The following CPNE8 variants were observed in gnomAD, a reference collection of about 807,000 sequenced individuals.
CPNE8 encodes the protein copine-8.
In CPNE8, 45 loss-of-function variants were observed where a neutral mutation model predicts 81.5. The ratio of observed to expected loss-of-function variants is 0.55; its 90% confidence interval spans 0.44 to 0.71. The LOEUF is 0.71. Among genes scored for constraint, CPNE8 ranks in the 30% least tolerant of loss-of-function variants. CPNE8 has a pLI of 0.00. For synonymous variants in CPNE8, 252 were observed against 226.3 expected (o/e 1.11, Z -1.02); for missense variants, 594 against 672.1 (o/e 0.88, Z 1.28).
intron 16 of CPNE8, among the ~76,000 whole-genome samples, chr12:38,683,502 T>C (rs1347423046): frequency 1.3e-5 from 2 of 152,122 alleles, no homozygotes; most frequent in Admixed American, 6.5e-5. Flanking sequence ...ACTATAACTA[T>C]GGCGCTTCTC....
intron 5 of CPNE8, among the ~76,000 whole-genome samples, chr12:38,830,029 C>T (rs1943258213): frequency 6.6e-6 from 1 of 152,100 alleles, no homozygotes; most frequent in Non-Finnish European, 1.5e-5. Flanking sequence ...TCTGAGGGTT[C>T]AATTAGTTAT....
chr12:38,863,867 C>A (rs867660622), intron 3 of CPNE8, among the ~76,000 whole-genome samples: 33 of 151,838 alleles, frequency 2.2e-4, no homozygotes, highest in South Asian at 1.0e-3. Flanking sequence ...CTGGCTAACA[C>A]GGTGAAACCC....
Position 38,905,414 on chromosome 12 carries a change from G to C in CPNE8, c.98+23C>G, listed in dbSNP as rs1411870877. The C allele has an allele frequency of 4.5e-6, 7 of 1,550,232 alleles. No homozygotes were observed. The East Asian group carries it at 9.7e-5, about 21-fold the overall frequency. On this transcript the variant is annotated intron_variant, in intron 1 of 19. Coordinates refer to ENST00000331366, the MANE Select transcript of CPNE8 (RefSeq NM_153634.3). ...ACCCCACAGATGAGAGGGCAGGAGA[G>C]AGGGGAAGGGCTGCGTCCTCACCTG... is the stretch of plus-strand genomic sequence containing the variant.
intron 6 of CPNE8, among the ~76,000 whole-genome samples, chr12:38,797,222 C>T (rs1457482996): frequency 6.6e-6 from 1 of 152,194 alleles, no homozygotes; most frequent in Admixed American, 6.5e-5. Context: ...AGCTGGAGAT[C>T]TGAGAACGGG....
intron 3 of CPNE8, among the ~76,000 whole-genome samples, chr12:38,853,468 G>A (rs548697912): frequency 4.0e-5 from 6 of 151,374 alleles, no homozygotes; most frequent in African/African-American, 7.3e-5. Flanking sequence ...ACAAATATGC[G>A]GAAGCCAAGC....
At position 38,894,696 on chromosome 12, in the gene CPNE8, TC is replaced by T. The variant is rs1565666665; in HGVS notation, c.98+10740del. On this transcript the variant is annotated intron_variant, in intron 1 of 19. Transcript: ENST00000331366. ...CTCTCTCTCTCTCTCTCTCTCTCTC[TC>T]TCTCTCTCTCTCTCATATTCTTTAC... Among the ~76,000 whole-genome samples, 33 of 101,662 alleles carry T rather than the reference TC, an allele frequency of 3.2e-4. 1 individual carries two copies. Among genetic ancestry groups the T allele is most frequent in the African/African-American group, 1.0e-3 (33 of 31,704 alleles). The allele number at this position is 101,662 out of a possible 152,430, so 66.7% of individuals were successfully genotyped here.
intron 10 of CPNE8, among the ~76,000 whole-genome samples, chr12:38,756,828 G>A (rs926409346): frequency 2.0e-5 from 3 of 152,154 alleles, no homozygotes; most frequent in African/African-American, 7.2e-5. Context: ...CTAGCCACAT[G>A]CTGCTGTAAC....
chr12:38,810,894 C>T (rs540529610), intron 6 of CPNE8, among the ~76,000 whole-genome samples: 1 of 152,196 alleles, frequency 6.6e-6, no homozygotes, highest in Admixed American at 6.5e-5. Flanking sequence ...AAAGGAAGAT[C>T]AAATCCTTCT....
chr12:38,820,030 A>T (rs1296536195), intron 6 of CPNE8, among the ~76,000 whole-genome samples: 2 of 152,182 alleles, frequency 1.3e-5, no homozygotes, highest in Non-Finnish European at 1.5e-5. Flanking sequence ...ATTTCACTGT[A>T]GAGGAAACTG....
intron 19 of CPNE8, among the ~76,000 whole-genome samples, chr12:38,654,656 G>A (rs1232574240): frequency 1.3e-5 from 2 of 151,828 alleles, no homozygotes; most frequent in Non-Finnish European, 2.9e-5. Flanking sequence ...AATCCTAATA[G>A]GCTTATTATG....
chr12:38,896,480 T>C (rs572446087), intron 1 of CPNE8, among the ~76,000 whole-genome samples: 196 of 152,244 alleles, frequency 1.3e-3, no homozygotes, highest in African/African-American at 4.5e-3. Context: ...ACTACTTGCC[T>C]TACCTCAGCC....
intron 3 of CPNE8, among the ~76,000 whole-genome samples, chr12:38,855,829 C>T (rs375904077): frequency 2.0e-5 from 3 of 151,870 alleles, no homozygotes; most frequent in Non-Finnish European, 2.9e-5. Flanking sequence ...CATTGTATCC[C>T]ATAAATATAT....
upstream of CPNE8, chr12:38,906,832 G>C (rs1294987943): frequency 6.5e-6 from 1 of 153,314 alleles, no homozygotes; most frequent in African/African-American, 2.4e-5. Flanking sequence ...GGAAGGCAGA[G>C]GGTGGAGAGG....
At chr12:38,753,116 G>A (rs1403947441) in intron 10 of CPNE8, among the ~76,000 whole-genome samples, 1 of 152,036 alleles carries the variant, frequency 6.6e-6, no homozygotes, top group Non-Finnish European at 1.5e-5. Context: ...TAAAATAAAG[G>A]GGATATAAGT....
At chr12:38,885,460 G>T (rs371999974) in intron 1 of CPNE8, among the ~76,000 whole-genome samples, 13 of 152,140 alleles carry the variant, frequency 8.5e-5, no homozygotes, top group African/African-American at 2.9e-4. Flanking sequence ...AATATTAGCT[G>T]CATGAATAGA....
At chr12:38,854,712 TAAAG>T (rs1170986041) in intron 3 of CPNE8, among the ~76,000 whole-genome samples, 1 of 151,988 alleles carries the variant, frequency 6.6e-6, no homozygotes, top group Non-Finnish European at 1.5e-5. Flanking sequence ...TTAACAACAT[TAAAG>T]AAAGTTTCCA....
intron 6 of CPNE8, among the ~76,000 whole-genome samples, chr12:38,784,410 C>G (rs969339563): frequency 2.0e-5 from 3 of 152,002 alleles, no homozygotes; most frequent in Non-Finnish European, 4.4e-5. Context: ...AGCTACTGGC[C>G]TTTTAAAAAG....
At chr12:38,690,691 GA>G (rs953134263) in intron 15 of CPNE8, among the ~76,000 whole-genome samples, 1 of 151,730 alleles carries the variant, frequency 6.6e-6, no homozygotes, top group African/African-American at 2.4e-5. Context: ...TGGAGGGGAG[GA>G]AAAAGGAAAA....
intron 6 of CPNE8, among the ~76,000 whole-genome samples, chr12:38,807,243 A>G (rs1460218803): frequency 1.3e-5 from 2 of 148,972 alleles, no homozygotes; most frequent in East Asian, 2.0e-4. Context: ...CAGAATTGGA[A>G]AAAACTACTT....
Sources: allele counts gnomAD v4.1 joint callset (sites outside exome capture counted in the v4.1 genomes callset), GRCh38; gene constraint gnomAD v4.1.1; transcripts MANE v1.5; gene names NCBI Gene and HGNC (gene_info 2026-07-23, HGNC 2026-07-21).